The following POLR1A variants were observed in gnomAD, a reference collection of about 807,000 sequenced individuals.
The protein encoded by POLR1A is RNA polymerase I subunit A, also known as DNA-directed RNA polymerase I subunit RPA1.
POLR1A carries 84 observed loss-of-function variants against 205.3 expected under a neutral mutation model. The ratio of observed to expected loss-of-function variants is 0.41; its 90% CI spans 0.34 to 0.49. POLR1A has a LOEUF of 0.49. Among genes scored for constraint, POLR1A ranks in the 20% least tolerant of loss-of-function variants. The pLI, the probability that POLR1A is intolerant of heterozygous loss-of-function variation, is 0.22. For synonymous variants in POLR1A, 799 were observed against 863.7 expected, an observed-to-expected ratio of 0.93 and a Z score of 1.31; for missense variants, 1,645 against 2,204.5, an observed-to-expected ratio of 0.75 and a Z score of 5.08.
intron 3 of POLR1A, among the ~76,000 whole-genome samples, chr2:86,096,935 G>A (rs1673715069): frequency 6.6e-6 from 1 of 152,102 alleles, no homozygotes; most frequent in East Asian, 1.9e-4. Context: ...ACAACCTACG[G>A]AATAGGAGAA....
chr2:86,023,608 T>C lies in POLR1A; in HGVS notation c.*3815A>G, dbSNP rs1690198343. ...CAAGGATGTGGAGAAATTGAAATTG[T>C]TGTACACCGTTGGTGGGAACATAAA... On this transcript the variant is annotated 3_prime_UTR_variant, in exon 34 of 34. Coordinates refer to ENST00000263857, the MANE Select transcript of POLR1A (RefSeq NM_015425.6). 6.6e-6 allele frequency: 1 copy of C among 152,158 alleles called. No individual in the cohort carries two copies. Among genetic ancestry groups the C allele is most frequent in the South Asian group, 2.1e-4 (1 of 4,832 alleles). The allele number at this position is 152,158 out of a possible 1,614,324, so 9.4% of individuals were successfully genotyped here. A position where few individuals can be genotyped will look rare whatever the true frequency, so the allele number is the denominator to read the frequency against.
chr2:86,098,405 AT>A (rs1673747415), intron 3 of POLR1A, among the ~76,000 whole-genome samples: 1 of 152,216 alleles, frequency 6.6e-6, no homozygotes, highest in South Asian at 2.1e-4. Flanking sequence ...ATTAAATGGT[AT>A]TTCACTATTG....
intron 13 of POLR1A, 81 bp from the exon 14 acceptor site, chr2:86,065,546 G>A: frequency 8.2e-7 from 1 of 1,216,862 alleles, no homozygotes; most frequent in East Asian, 2.4e-5. Context: ...CTGCCTGGAA[G>A]CCACTTTCTA....
Position 86,033,789 on chromosome 2 carries a change from TA to T in POLR1A, c.4035-3del. The stretch of plus-strand genomic sequence containing the variant: ...GATTCCATCAGAAGTTTAAAGAATC[TA>T]AAACAAGAAGAAAGCCAAAAAGCCC... On this transcript the variant is annotated splice_region_variant and splice_polypyrimidine_tract_variant and intron_variant, in intron 27 of 33. Coordinates refer to ENST00000263857, the MANE Select transcript of POLR1A (RefSeq NM_015425.6). The T allele has an allele frequency of 6.2e-7, 1 of 1,613,910 alleles. No homozygotes were observed. Among genetic ancestry groups the T allele is most frequent in the East Asian group, 2.2e-5 (1 of 44,876 alleles).
rs187094738 is a variant in POLR1A at position 86,024,084 on chromosome 2, G to C, written c.*3339C>G. The C allele has an allele frequency of 6.5e-6, 1 of 153,542 alleles. No homozygotes were observed. Among genetic ancestry groups the C allele is most frequent in the Non-Finnish European group, 1.5e-5 (1 of 68,772 alleles). 9.5% of individuals were successfully genotyped at this position (153,542 alleles called of 1,614,324 possible). Reference sequence around the variant, plus strand: ...TATATCCATGTTCACAGCGTTATTTGCAACAGCCAAGAGGTGGAGGCAACC... The same window carrying C: ...TATATCCATGTTCACAGCGTTATTTCCAACAGCCAAGAGGTGGAGGCAACC... On this transcript the variant is annotated 3_prime_UTR_variant, in exon 34 of 34. Transcript: ENST00000263857.
chr2:86,047,088 A>C (rs1672722608), intron 19 of POLR1A, 77 bp downstream of exon 19: 3 of 963,748 alleles, frequency 3.1e-6, no homozygotes, highest in Non-Finnish European at 5.0e-6. Flanking sequence ...ATAGGGAACA[A>C]ACTGAAACCA....
intron 6 of POLR1A, among the ~76,000 whole-genome samples, chr2:86,084,331 C>A (rs1001377409): frequency 2.0e-5 from 3 of 151,638 alleles, no homozygotes; most frequent in Non-Finnish European, 4.4e-5. Flanking sequence ...ACAGGAGAAT[C>A]GCTTGAACCT....
intron 28 of POLR1A, 52 bp downstream of exon 28, chr2:86,033,609 A>G: frequency 1.9e-6 from 3 of 1,591,080 alleles, no homozygotes; most frequent in Non-Finnish European, 2.6e-6. Context: ...GAGCCTGCCC[A>G]GTCTGGGGGC....
chr2:86,090,330 G>A (rs1673578793), intron 3 of POLR1A, among the ~76,000 whole-genome samples: 1 of 147,072 alleles, frequency 6.8e-6, no homozygotes, highest in Admixed American at 6.9e-5. Flanking sequence ...GAATGTTGCA[G>A]TGAGCCAAGA....
intron 8 of POLR1A, 117 bp from the exon 9 acceptor site, chr2:86,081,095 C>T: frequency 1.1e-6 from 1 of 904,494 alleles, no homozygotes; most frequent in East Asian, 2.5e-5. Context: ...AAACAACCAA[C>T]CTTCCTAACC....
intron 30 of POLR1A, 70 bp downstream of exon 30, chr2:86,031,260 G>A (rs1672380868): frequency 1.3e-6 from 2 of 1,500,484 alleles, no homozygotes; most frequent in Admixed American, 2.3e-5. Context: ...AGCTCAGCAG[G>A]CCCCTTCCAC....
intron 28 of POLR1A, among the ~76,000 whole-genome samples, chr2:86,033,147 A>G (rs1672425883): frequency 6.6e-6 from 1 of 152,162 alleles, no homozygotes; most frequent in Non-Finnish European, 1.5e-5. Flanking sequence ...CCTGGCAGAT[A>G]TCTGATTATT....
chr2:86,030,927 C>T (rs1332499837), intron 30 of POLR1A, among the ~76,000 whole-genome samples: 6 of 152,178 alleles, frequency 3.9e-5, no homozygotes, highest in Non-Finnish European at 1.5e-5. Flanking sequence ...AACAGTGTCT[C>T]TACAACACGT....
Position 86,026,349 on chromosome 2 carries a change from T to A in POLR1A, c.*1074A>T, listed in dbSNP as rs1458806760. ...AAAATTGTTGTAAAAAAAACCAAGT[T>A]TTTTTTCTTTCCTAATAGCTAGTTC... On this transcript the variant is annotated 3_prime_UTR_variant, in exon 34 of 34. Coordinates refer to ENST00000263857, the MANE Select transcript of POLR1A (RefSeq NM_015425.6). The A allele has an allele frequency of 1.3e-5, 2 of 152,174 alleles. No homozygotes were observed. Among genetic ancestry groups the A allele is most frequent in the Non-Finnish European group, 2.9e-5 (2 of 68,022 alleles). The allele number at this position is 152,174 out of a possible 1,614,324, so 9.4% of individuals were successfully genotyped here.
At chr2:86,105,571 C>A (rs970104792) in intron 1 of POLR1A, 129 bp downstream of exon 1, 1 of 633,296 alleles carries the variant, frequency 1.6e-6, no homozygotes, top group Non-Finnish European at 2.8e-6. Context: ...ACTACGGCTC[C>A]CAGCAGGACA....
intron 14 of POLR1A, among the ~76,000 whole-genome samples, chr2:86,055,294 C>CAAAAAAAAAAA (rs1265267243): frequency 1.9e-4 from 29 of 150,978 alleles, no homozygotes; most frequent in African/African-American, 3.4e-4. Flanking sequence ...AACTCTGTCT[C>CAAAAAAAAAAA]AAGAAAAAAA....
chr2:86,047,917 G>C (rs941546275), intron 18 of POLR1A, among the ~76,000 whole-genome samples: 2 of 152,172 alleles, frequency 1.3e-5, no homozygotes, highest in Non-Finnish European at 2.9e-5. Flanking sequence ...GGCAACTGGA[G>C]GGACAAGAAA....
chr2:86,042,844 G>C (rs555988887), intron 23 of POLR1A, 130 bp downstream of exon 23: 76 of 721,904 alleles, frequency 1.1e-4, no homozygotes, highest in East Asian at 9.5e-4. Flanking sequence ...GAGCCATTCT[G>C]TTCTGACTGA....
At chr2:86,102,301 C>A (rs1431858113) in intron 1 of POLR1A, among the ~76,000 whole-genome samples, 1 of 152,216 alleles carries the variant, frequency 6.6e-6, no homozygotes, top group African/African-American at 2.4e-5. Context: ...CCAACACTTA[C>A]TACTTTCTGT....
Sources: allele counts gnomAD v4.1 joint callset (sites outside exome capture counted in the v4.1 genomes callset), GRCh38; gene constraint gnomAD v4.1.1; transcripts MANE v1.5; gene names NCBI Gene and HGNC (gene_info 2026-07-23, HGNC 2026-07-21).